SRFBP1: variants seen among roughly 807,000 people sequenced by gnomAD.
SRFBP1 encodes serum response factor binding protein 1.
In SRFBP1, 47 loss-of-function variants were observed where a neutral mutation model predicts 45.5. The ratio of observed to expected loss-of-function variants is 1.03; its 90% confidence interval spans 0.82 to 1.32. SRFBP1 has a LOEUF of 1.32. SRFBP1 is among the 40% of genes most tolerant of loss of function. SRFBP1 has a pLI of 0.00. For missense variants in SRFBP1, 621 were observed against 484.6 expected, an observed-to-expected ratio of 1.28 and a Z score of -2.64; for synonymous variants, 203 against 166.3, an observed-to-expected ratio of 1.22 and a Z score of -1.70.
chr5:122,045,545 T>C (rs1367518680), intron 2 of SRFBP1, among the ~76,000 whole-genome samples: 1 of 152,206 alleles, frequency 6.6e-6, no homozygotes, highest in East Asian at 1.9e-4. Flanking sequence ...AAATGTTTTA[T>C]AATTCTCATT....
downstream of SRFBP1, among the ~76,000 whole-genome samples, chr5:122,031,759 G>T (rs553912383): frequency 6.6e-6 from 1 of 152,190 alleles, no homozygotes; most frequent in Non-Finnish European, 1.5e-5. Context: ...CTGATGATGA[G>T]TGAACAGTGT....
chr5:122,029,913 G>T (rs1357362982), downstream of SRFBP1, among the ~76,000 whole-genome samples: 1 of 152,094 alleles, frequency 6.6e-6, no homozygotes, highest in Non-Finnish European at 1.5e-5. Flanking sequence ...TGTCTCCTAT[G>T]TCCTTTTAAC....
At chr5:121,965,324 T>A (rs572037923) in intron 1 of SRFBP1, among the ~76,000 whole-genome samples, 10 of 152,344 alleles carry the variant, frequency 6.6e-5, no homozygotes, top group African/African-American at 2.4e-4. Context: ...TGGTTTTAGG[T>A]CTGACGTTTA....
At chr5:122,016,529 G>T (rs77852694) in intron 4 of SRFBP1, among the ~76,000 whole-genome samples, 6,342 of 152,076 alleles carry the variant, frequency 0.042, 148 homozygotes, top group African/African-American at 0.051. Context: ...CTGAAATCTT[G>T]TAGGTCCCAA....
In SRFBP1 at chr5:122,035,286, T is replaced by G. The variant is rs570100150; in HGVS notation, n.311+12879T>G. ...AGTTTTATCTGCCCTGTCTCCCATC[T>G]TTCTCCTGAGTGTCCAGTGTAGGCT... is the stretch of plus-strand genomic sequence containing the variant. On this transcript the variant is annotated intron_variant and non_coding_transcript_variant, in intron 2 of 2. Transcript: ENST00000504881. Among the ~76,000 whole-genome samples, 64 of 152,294 alleles carry G rather than the reference T, an allele frequency of 4.2e-4. 2 individuals are homozygous for G. In the South Asian group the frequency reaches 0.013, roughly 31 times the overall value.
intron 2 of SRFBP1, chr5:122,066,708 C>T: frequency 1.3e-6 from 2 of 1,583,352 alleles, no homozygotes; most frequent in Non-Finnish European, 1.7e-6. Context: ...GAACACCAGG[C>T]ACTGATTTAT....
chr5:121,992,633 A>C (rs528037965), intron 3 of SRFBP1, among the ~76,000 whole-genome samples: 1 of 152,200 alleles, frequency 6.6e-6, no homozygotes, highest in South Asian at 2.1e-4. Context: ...TGTGTAATTA[A>C]TCGCTACTTA....
intron 1 of SRFBP1, among the ~76,000 whole-genome samples, chr5:121,971,989 T>C (rs1392834808): frequency 6.6e-6 from 1 of 151,960 alleles, no homozygotes; most frequent in Non-Finnish European, 1.5e-5. Context: ...TTTGGACGTC[T>C]CTTTCTAAAA....
intron 4 of SRFBP1, among the ~76,000 whole-genome samples, chr5:121,999,330 A>G (rs1431048832): frequency 6.6e-6 from 1 of 152,116 alleles, no homozygotes; most frequent in African/African-American, 2.4e-5. Context: ...ATCCATGAAC[A>G]TAAACTTTGT....
At chr5:121,998,561 T>A (rs1305456913) in intron 4 of SRFBP1, among the ~76,000 whole-genome samples, 5 of 147,084 alleles carry the variant, frequency 3.4e-5, no homozygotes, top group African/African-American at 1.0e-4. Flanking sequence ...ATATACCTAA[T>A]GCTAGATGAC....
chr5:122,018,682 C>A (rs1037367309), intron 4 of SRFBP1, among the ~76,000 whole-genome samples: 1 of 152,136 alleles, frequency 6.6e-6, no homozygotes. Flanking sequence ...CATTTCAAGT[C>A]ATTAGCCGGC....
chr5:122,005,861 T>C (rs1344101260), intron 4 of SRFBP1, among the ~76,000 whole-genome samples: 1 of 152,174 alleles, frequency 6.6e-6, no homozygotes, highest in Non-Finnish European at 1.5e-5. Flanking sequence ...GTATATTCTT[T>C]AACAAACTGT....
At chr5:122,073,430 A>C (rs1754510778) in intron 2 of SRFBP1, among the ~76,000 whole-genome samples, 1 of 152,226 alleles carries the variant, frequency 6.6e-6, no homozygotes, top group African/African-American at 2.4e-5. Flanking sequence ...TTATTAAAAG[A>C]GGCAACTTTT....
rs746292042 is a variant in SRFBP1 at position 121,974,287 on chromosome 5, T to TA, written c.125+4dup. 48 of 1,605,956 alleles carry TA rather than the reference T, an allele frequency of 3.0e-5. 1 individual carries two copies. In the Admixed American group the frequency reaches 4.2e-4, roughly 14 times the overall value. On this transcript the variant is annotated splice_donor_region_variant and intron_variant, in intron 2 of 7. Coordinates refer to ENST00000339397, the MANE Select transcript of SRFBP1 (RefSeq NM_152546.3). ...GTTGGCCGACTGAAGTCAAAAAAGT[T>TA]AGTCATTTAAAGTAATGATCTTGTG... is the stretch of plus-strand genomic sequence containing the variant.
In SRFBP1 at chr5:122,025,829, G is replaced by A. The variant is rs181407863; in HGVS notation, c.1106-1113G>A. Among the ~76,000 whole-genome samples, 172 of 152,230 alleles carry A rather than the reference G, an allele frequency of 1.1e-3. 2 individuals carry two copies. The highest frequency in any genetic ancestry group is 4.1e-3 in the African/African-American group (169 of 41,554). Reference sequence around the variant, plus strand: ...AAAAGGCTTCTGACAGGCCGAGCACGGTGGCTCATGCCTGTAATCCCAGCA... The same window carrying A: ...AAAAGGCTTCTGACAGGCCGAGCACAGTGGCTCATGCCTGTAATCCCAGCA... On this transcript the variant is annotated intron_variant, in intron 7 of 7. Transcript: ENST00000339397.
At chr5:122,059,452 A>G (rs1453686600) in intron 2 of SRFBP1, among the ~76,000 whole-genome samples, 1 of 152,102 alleles carries the variant, frequency 6.6e-6, no homozygotes, top group Admixed American at 6.6e-5. Context: ...TCTTGGACTC[A>G]GGTTTAGGAA....
intron 1 of SRFBP1, among the ~76,000 whole-genome samples, chr5:121,968,812 TG>T (rs1752129912): frequency 6.6e-6 from 1 of 152,250 alleles, no homozygotes; most frequent in East Asian, 1.9e-4. Flanking sequence ...GTAGTTTTTT[TG>T]TATTTACTAA....
chr5:121,992,907 T>G (rs780712773), intron 3 of SRFBP1, among the ~76,000 whole-genome samples: 22 of 152,202 alleles, frequency 1.4e-4, no homozygotes, highest in Middle Eastern at 3.4e-3. Flanking sequence ...TTTTAAAAAT[T>G]TTGATACTCT....
downstream of SRFBP1, chr5:122,076,781 T>C (rs1287746163): frequency 5.8e-6 from 5 of 858,042 alleles, no homozygotes; most frequent in African/African-American, 8.2e-5. Context: ...TCCCAGCTCT[T>C]GTCCCACTTC....
Sources: allele counts gnomAD v4.1 joint callset (sites outside exome capture counted in the v4.1 genomes callset), GRCh38; gene constraint gnomAD v4.1.1; transcripts MANE v1.5; gene names NCBI Gene and HGNC (gene_info 2026-07-23, HGNC 2026-07-21).